DLGAP4: variants seen among roughly 807,000 people sequenced by gnomAD.
The protein encoded by DLGAP4 is DLG associated protein 4.
A neutral mutation model predicts 86.9 loss-of-function variants in DLGAP4; 18 were observed. The observed-to-expected ratio is 0.21, with a 90% CI of 0.14 to 0.31. The LOEUF is 0.31. Among genes scored for constraint, DLGAP4 ranks in the 10% least tolerant of loss-of-function variants. The probability of loss-of-function intolerance (pLI) is 1.00; values close to 1 mark genes in which losing one functional copy is unlikely to be tolerated. For missense variants in DLGAP4, 1,085 were observed against 1,362.6 expected (o/e 0.80, Z 3.21); for synonymous variants, 548 against 574.3 (o/e 0.95, Z 0.65).
At chr20:36,374,044 A>G (rs944824021) in intron 2 of DLGAP4, among the ~76,000 whole-genome samples, 25 of 151,548 alleles carry the variant, frequency 1.6e-4, no homozygotes, top group Non-Finnish European at 3.2e-4. Flanking sequence ...AAAAAAAAAA[A>G]AAAAAGAAAA....
chr20:36,451,766 A>ATT (rs544609389), intron 7 of DLGAP4, among the ~76,000 whole-genome samples: 14 of 130,822 alleles, frequency 1.1e-4, no homozygotes, highest in East Asian at 4.5e-4. Context: ...CTGAGGCTGT[A>ATT]TTTTTTTTTT....
chr20:36,356,324 T>C (rs958200563), intron 1 of DLGAP4, among the ~76,000 whole-genome samples: 2 of 152,180 alleles, frequency 1.3e-5, no homozygotes, highest in African/African-American at 4.8e-5. Flanking sequence ...TTTGTTTGTT[T>C]GTTTTGAGAC....
intron 10 of DLGAP4, among the ~76,000 whole-genome samples, chr20:36,515,625 A>T (rs553809905): frequency 2.0e-5 from 3 of 152,270 alleles, no homozygotes; most frequent in African/African-American, 7.2e-5. Context: ...GTCTCTCACT[A>T]TGTTGCCCAG....
At chr20:36,480,181 A>G (rs1472707330) in intron 7 of DLGAP4, among the ~76,000 whole-genome samples, 1 of 152,140 alleles carries the variant, frequency 6.6e-6, no homozygotes, top group Non-Finnish European at 1.5e-5. Context: ...CATAGCAGGT[A>G]TTTTGAAGGG....
At chr20:36,467,388 G>C (rs1219745286) in intron 7 of DLGAP4, among the ~76,000 whole-genome samples, 1 of 152,154 alleles carries the variant, frequency 6.6e-6, no homozygotes, top group Non-Finnish European at 1.5e-5. Flanking sequence ...TGCATTTAGG[G>C]AAACAGCAGT....
rs141338453 is a variant in DLGAP4 at position 36,341,464 on chromosome 20, C to T, written c.-303-25581C>T. ...GTACCAACGATGGTGATGCCTGGCA[C>T]TCACTGATATGCACCGTGTGCCAGG... On this transcript the variant is annotated intron_variant, in intron 1 of 12. Coordinates refer to ENST00000339266, the MANE Select transcript of DLGAP4 (RefSeq NM_001365621.2). 2.0e-3 allele frequency among the ~76,000 whole-genome samples: 305 copies of T among 152,342 alleles called. 1 individual carries two copies. The highest frequency in any genetic ancestry group is 7.0e-3 in the African/African-American group (290 of 41,586).
intron 2 of DLGAP4, among the ~76,000 whole-genome samples, chr20:36,408,324 T>C (rs2032386327): frequency 6.6e-6 from 1 of 151,888 alleles, no homozygotes; most frequent in African/African-American, 2.4e-5. Context: ...TCAGCTCCGC[T>C]AAAGACCCCT....
chr20:36,504,990 C>CT (rs757067668), intron 10 of DLGAP4, among the ~76,000 whole-genome samples: 2,981 of 140,148 alleles, frequency 0.021, 84 homozygotes, highest in African/African-American at 0.069. Context: ...CACACAGGTT[C>CT]TTTTTTTTTT....
At chr20:36,462,670 TTGGCGCTGGGGCAAGGGC>T in intron 7 of DLGAP4, 12 of 1,537,614 alleles carry the variant, frequency 7.8e-6, no homozygotes, top group Non-Finnish European at 1.0e-5. Flanking sequence ...CTCCATGGGG[TTGGCGCTGGGGCAAGGGC>T]TGGCGCTAGG....
rs867579673 is a variant in DLGAP4 at position 36,430,043 on chromosome 20, G to A, written c.-72-1603G>A. 2.6e-5 allele frequency among the ~76,000 whole-genome samples: 4 copies of A among 152,338 alleles called. No homozygotes were observed. In the South Asian group the frequency reaches 8.3e-4, roughly 32 times the overall value. On this transcript the variant is annotated intron_variant, in intron 2 of 12. Transcript: ENST00000339266. The stretch of plus-strand genomic sequence containing the variant: ...CCAAGTCTTGGTACTCCCACGTACA[G>A]GGCCGGTGGGCTTAGAAACCTCGCC...
At chr20:36,421,574 T>C (rs2032829422) in intron 2 of DLGAP4, among the ~76,000 whole-genome samples, 1 of 151,750 alleles carries the variant, frequency 6.6e-6, no homozygotes, top group African/African-American at 2.4e-5. Flanking sequence ...GGCAGGGCTG[T>C]GGAGGTGGTA....
rs1219140495 is a variant in DLGAP4 at position 36,350,429 on chromosome 20, C to A, written c.-303-16616C>A. 2.6e-5 allele frequency among the ~76,000 whole-genome samples: 4 copies of A among 152,136 alleles called. No homozygotes were observed. The highest frequency in any genetic ancestry group is 5.9e-5 in the Non-Finnish European group (4 of 68,006). Reference sequence around the variant, plus strand: ...CCCCTTCTCCATCCCCAGCACCTGCCCCATCCTGACTCCGCTGACACTCAG... The same window carrying A: ...CCCCTTCTCCATCCCCAGCACCTGCACCATCCTGACTCCGCTGACACTCAG... On this transcript the variant is annotated intron_variant, in intron 1 of 12. Transcript: ENST00000339266. The surrounding 1 kb of genome is among the most constrained non-coding windows in gnomAD (Gnocchi z 4.4).
At chr20:36,510,657 T>C (rs1045317353) in intron 10 of DLGAP4, among the ~76,000 whole-genome samples, 10 of 151,056 alleles carry the variant, frequency 6.6e-5, no homozygotes, top group Non-Finnish European at 3.0e-5. Flanking sequence ...GTGATCCGCC[T>C]GCCTCGGCCT....
At chr20:36,342,610 G>A (rs1021005621) in intron 1 of DLGAP4, among the ~76,000 whole-genome samples, 1 of 152,216 alleles carries the variant, frequency 6.6e-6, no homozygotes, top group Non-Finnish European at 1.5e-5. Context: ...TCTGAGCTCA[G>A]AGAAGCCTCA....
intron 2 of DLGAP4, among the ~76,000 whole-genome samples, chr20:36,421,021 G>A (rs2032809720): frequency 6.6e-6 from 1 of 151,920 alleles, no homozygotes. Flanking sequence ...CACAGCTATA[G>A]TCCCAGCTAC....
chr20:36,315,059 T>TGTGGA (rs2065085923), intron 1 of DLGAP4, among the ~76,000 whole-genome samples: 1 of 12,048 alleles, frequency 8.3e-5, no homozygotes, highest in Non-Finnish European at 1.9e-4. Flanking sequence ...CGCCCCCCCG[T>TGTGGA]GTGTGGTGTG....
intron 2 of DLGAP4, among the ~76,000 whole-genome samples, chr20:36,413,906 A>T (rs1446782165): frequency 1.3e-5 from 2 of 152,178 alleles, no homozygotes; most frequent in Non-Finnish European, 2.9e-5. Flanking sequence ...CCATGTTAAG[A>T]AACCAAGGCT....
intron 4 of DLGAP4, among the ~76,000 whole-genome samples, chr20:36,439,414 G>A (rs567780779): frequency 6.6e-6 from 1 of 152,338 alleles, no homozygotes; most frequent in South Asian, 2.1e-4. Flanking sequence ...AAGGGCTGGG[G>A]CCGTGGAGAT....
intron 1 of DLGAP4, among the ~76,000 whole-genome samples, chr20:36,321,572 C>T (rs143990228): frequency 1.3e-4 from 20 of 152,364 alleles, no homozygotes; most frequent in African/African-American, 4.8e-4. Flanking sequence ...CCTGGTGAGG[C>T]GCTCGCCCGC....
Sources: gnomAD v4.1 joint callset for allele counts (sites outside exome capture counted in the v4.1 genomes callset) on GRCh38, gnomAD v4.1.1 for gene constraint, Gnocchi (gnomAD v3.1) non-coding constraint, MANE v1.5 for transcripts, NCBI Gene and HGNC (gene_info 2026-07-23, HGNC 2026-07-21) for gene names.